Variants in ESCO1 observed in about 807,000 individuals in gnomAD.
The protein encoded by ESCO1 is establishment of sister chromatid cohesion N-acetyltransferase 1, also known as N-acetyltransferase ESCO1.
In ESCO1, 33 loss-of-function variants were observed where a neutral mutation model predicts 83.5. The observed-to-expected ratio is 0.40, with a 90% CI of 0.30 to 0.53. ESCO1 has a LOEUF of 0.53. Ranked by LOEUF, ESCO1 falls within the 20% of genes least tolerant of loss-of-function variation. The pLI is 0.63. For missense variants in ESCO1, 855 were observed against 968.0 expected (o/e 0.88, Z 1.55); for synonymous variants, 332 against 324.3 (o/e 1.02, Z -0.25).
chr18:21,536,102 A>T lies in ESCO1; in HGVS notation c.2127T>A (p.Leu709=). 1 of 1,614,158 alleles carries T rather than the reference A, an allele frequency of 6.2e-7. No homozygotes were observed. The highest frequency in any genetic ancestry group is 8.5e-7 in the Non-Finnish European group (1 of 1,180,016). ...CTTTTTTGTCATTGGAAATGAAGAG[A>T]AGTGTTTTAGTTCTGGAATAGCACA... ...PLMCYSRTKT[L]LFISNDKKVV... is the part of the protein sequence containing the mutation. Residue 709 remains leucine, a synonymous_variant, in exon 10 of 12, where the codon CTT becomes CTA. Transcript: ENST00000269214.
chr18:21,532,766 T>C, intron 10 of ESCO1, 106 bp from the exon 11 acceptor site: 8 of 1,026,112 alleles, frequency 7.8e-6, no homozygotes, highest in Non-Finnish European at 1.1e-5. Flanking sequence ...TAACAAACTA[T>C]GGGGCCACTT....
intron 2 of ESCO1, among the ~76,000 whole-genome samples, chr18:21,579,713 A>C (rs1233643388): frequency 1.4e-5 from 2 of 147,948 alleles, no homozygotes; most frequent in Non-Finnish European, 3.0e-5. Context: ...TGGAGGTTGC[A>C]GTGAGCCGAC....
intron 9 of ESCO1, among the ~76,000 whole-genome samples, chr18:21,537,797 CATGTGCATTTCCAA>C (rs1180136311): frequency 2.6e-5 from 4 of 152,136 alleles, no homozygotes; most frequent in African/African-American, 9.7e-5. Flanking sequence ...CAAAAGTTCC[CATGTGCATTTCCAA>C]ATGTGAATAG....
chr18:21,600,623 C>T lies in ESCO1; in HGVS notation c.-825G>A, dbSNP rs1224376765. 2 of 152,308 alleles carry T rather than the reference C, an allele frequency of 1.3e-5. No homozygotes were observed. The highest frequency in any genetic ancestry group is 3.9e-4 in the East Asian group (2 of 5,192). The allele number at this position is 152,308 out of a possible 1,614,324, so 9.4% of individuals were successfully genotyped here. A position where few individuals can be genotyped will look rare whatever the true frequency, so the allele number is the denominator to read the frequency against. Reference sequence around the variant, plus strand: ...GGGACCGTCAGGGACGCTCGCGTACCTTCCTTTTGCCTGGCGGAGGGTCAG... The same window carrying T: ...GGGACCGTCAGGGACGCTCGCGTACTTTCCTTTTGCCTGGCGGAGGGTCAG... On this transcript the variant is annotated splice_region_variant and 5_prime_UTR_variant, in exon 1 of 12. Coordinates refer to ENST00000269214, the MANE Select transcript of ESCO1 (RefSeq NM_052911.3).
intron 2 of ESCO1, among the ~76,000 whole-genome samples, chr18:21,579,008 G>A (rs931465858): frequency 2.0e-5 from 3 of 152,180 alleles, no homozygotes; most frequent in Middle Eastern, 3.4e-3. Flanking sequence ...TTACAGGCAC[G>A]CACCACTACA....
Position 21,568,096 on chromosome 18 carries a change from T to C in ESCO1, c.1531-2A>G. On this transcript the variant is annotated splice_acceptor_variant, in intron 4 of 11. Coordinates refer to ENST00000269214, the MANE Select transcript of ESCO1 (RefSeq NM_052911.3). LOFTEE classifies it high-confidence loss of function. ...GGATTCCAAACATTGGCTGAAATTC[T>C]GAACACATATAATTCAAAATTTTTA... is the stretch of plus-strand genomic sequence containing the variant. 2 of 1,607,966 alleles carry C rather than the reference T, an allele frequency of 1.2e-6. No homozygotes were observed. Among genetic ancestry groups the C allele is most frequent in the Non-Finnish European group, 8.5e-7 (1 of 1,175,944 alleles).
At chr18:21,540,803 A>G in intron 8 of ESCO1, 2 of 1,009,224 alleles carry the variant, frequency 2.0e-6, no homozygotes, top group Non-Finnish European at 2.5e-6. Context: ...ATAAGTACAG[A>G]AGGAATGAGC....
chr18:21,564,414 G>A lies in ESCO1; in HGVS notation c.1707-97C>T, dbSNP rs748915800. 15 of 826,946 alleles carry A rather than the reference G, an allele frequency of 1.8e-5. No individual in the cohort carries two copies. In the East Asian group the frequency reaches 3.3e-4, roughly 18 times the overall value. The allele number at this position is 826,946 out of a possible 1,614,324, so 51.2% of individuals were successfully genotyped here. On this transcript the variant is annotated intron_variant, in intron 6 of 11. Transcript: ENST00000269214. ...CTTATTTTCTTTTTTTTTTTGAGAC[G>A]AAGTCTCACTCTGTCGCCCAGGCTG...
intron 8 of ESCO1, among the ~76,000 whole-genome samples, chr18:21,548,524 G>A (rs916688502): frequency 1.3e-5 from 2 of 151,932 alleles, no homozygotes; most frequent in African/African-American, 2.4e-5. Flanking sequence ...AAGGCCAGGG[G>A]GGTGGTGGAT....
chr18:21,578,811 C>T (rs1393034746), intron 2 of ESCO1, among the ~76,000 whole-genome samples: 1 of 152,186 alleles, frequency 6.6e-6, no homozygotes, highest in Non-Finnish European at 1.5e-5. Context: ...GATTCTCGTG[C>T]CTTAGCCTCC....
At chr18:21,591,770 A>AG (rs2038673506) in intron 1 of ESCO1, among the ~76,000 whole-genome samples, 1 of 151,938 alleles carries the variant, frequency 6.6e-6, no homozygotes, top group Admixed American at 6.6e-5. Flanking sequence ...CAGCAGATAA[A>AG]CAAGTGAACA....
At position 21,557,750 on chromosome 18, in the gene ESCO1, G is replaced by A. The variant is rs543446122; in HGVS notation, c.1953+3109C>T. On this transcript the variant is annotated intron_variant, in intron 8 of 11. Transcript: ENST00000269214. Reference sequence around the variant, plus strand: ...TACTAAAAGCTCAAAATATAGCTGAGTTCCTGATAGGTTCCTGATAGGTTT... The same window carrying A: ...TACTAAAAGCTCAAAATATAGCTGAATTCCTGATAGGTTCCTGATAGGTTT... Among the ~76,000 whole-genome samples, 5 of 152,282 alleles carry A rather than the reference G, an allele frequency of 3.3e-5. No homozygotes were observed. The East Asian group carries it at 9.6e-4, about 29-fold the overall frequency.
At position 21,534,538 on chromosome 18, in the gene ESCO1, T is replaced by C. The variant is rs562197997; in HGVS notation, c.2187+1504A>G. 4.6e-5 allele frequency among the ~76,000 whole-genome samples: 7 copies of C among 152,256 alleles called. No individual in the cohort carries two copies. In the East Asian group the frequency reaches 9.6e-4, roughly 21 times the overall value. On this transcript the variant is annotated intron_variant, in intron 10 of 11. Coordinates refer to ENST00000269214, the MANE Select transcript of ESCO1 (RefSeq NM_052911.3). ...CATAATGTAAACATACATGATTCCA[T>C]TGTTTGTTTTTTGTACAAGTTGGCT...
intron 2 of ESCO1, among the ~76,000 whole-genome samples, chr18:21,581,826 T>C (rs2038506460): frequency 6.6e-6 from 1 of 151,666 alleles, no homozygotes; most frequent in Non-Finnish European, 1.5e-5. Context: ...GACACCAGCC[T>C]GGTCAACATA....
chr18:21,551,715 T>C (rs1447978832), intron 8 of ESCO1, among the ~76,000 whole-genome samples: 1 of 152,198 alleles, frequency 6.6e-6, no homozygotes, highest in Non-Finnish European at 1.5e-5. Flanking sequence ...TTCTCTCCCA[T>C]GGGACAACTG....
chr18:21,558,334 C>T (rs949564461), intron 8 of ESCO1, among the ~76,000 whole-genome samples: 4 of 152,024 alleles, frequency 2.6e-5, no homozygotes, highest in East Asian at 1.9e-4. Flanking sequence ...TTTGAAAATA[C>T]GACTTTTAGC....
At position 21,532,593 on chromosome 18, in the gene ESCO1, CTTTCAAATCTGACTT is replaced by C. The variant is rs2037781262; in HGVS notation, c.2240_2254del (p.Lys747_Glu751del). Reference sequence around the variant, plus strand: ...TGTTGAGCAGCACCAGGCTTTTTGCCTTTCAAATCTGACTTTTTCTTCTTCTGACCTGATAACTGG... The same window carrying C: ...TGTTGAGCAGCACCAGGCTTTTTGCCTTTCTTCTTCTGACCTGATAACTGG... On this transcript the variant is annotated inframe_deletion, in exon 11 of 12. Coordinates refer to ENST00000269214, the MANE Select transcript of ESCO1 (RefSeq NM_052911.3). The C allele has an allele frequency of 6.2e-7, 1 of 1,614,160 alleles. No homozygotes were observed. Among genetic ancestry groups the C allele is most frequent in the Non-Finnish European group, 8.5e-7 (1 of 1,179,998 alleles).
intron 9 of ESCO1, 69 bp from the exon 10 acceptor site, chr18:21,536,254 A>G (rs1332830489): frequency 6.7e-7 from 1 of 1,492,536 alleles, no homozygotes; most frequent in African/African-American, 1.4e-5. Flanking sequence ...ACACTATTTC[A>G]GTTCAGTAGA....
chr18:21,549,277 G>A (rs755297105), intron 8 of ESCO1, among the ~76,000 whole-genome samples: 1 of 152,100 alleles, frequency 6.6e-6, no homozygotes, highest in African/African-American at 2.4e-5. Flanking sequence ...TCTACTTTAG[G>A]ACCATGATGT....
Sources: gnomAD v4.1 joint callset for allele counts (sites outside exome capture counted in the v4.1 genomes callset) on GRCh38, gnomAD v4.1.1 for gene constraint, MANE v1.5 for transcripts, NCBI Gene and HGNC (gene_info 2026-07-23, HGNC 2026-07-21) for gene names.